PIAS1: variants seen among roughly 807,000 people sequenced by gnomAD.
The protein encoded by PIAS1 is E3 SUMO-protein ligase PIAS1.
A neutral mutation model predicts 71.3 loss-of-function variants in PIAS1; 6 were observed. That is an observed-to-expected ratio of 0.08 (90% CI 0.05 to 0.17). PIAS1 has a LOEUF of 0.17. Among genes scored for constraint, PIAS1 ranks in the 10% least tolerant of loss-of-function variants. PIAS1 has a pLI of 1.00. For missense variants in PIAS1, 555 were observed against 793.6 expected (o/e 0.70, Z 3.61); for synonymous variants, 303 against 292.9 (o/e 1.03, Z -0.35).
intron 1 of PIAS1, chr15:68,057,438 A>C (rs1249291623): frequency 4.8e-6 from 2 of 412,564 alleles, no homozygotes; most frequent in African/African-American, 4.3e-5. Context: ...GTTTTTTTGG[A>C]GTAAAACTCA....
chr15:68,063,022 A>G (rs1326464627), intron 1 of PIAS1, among the ~76,000 whole-genome samples: 1 of 123,974 alleles, frequency 8.1e-6, no homozygotes, highest in East Asian at 2.0e-4. Context: ...GCTATACACT[A>G]CTGGTTTTTT....
At chr15:68,087,407 C>T (rs78052197) in intron 2 of PIAS1, among the ~76,000 whole-genome samples, 3,174 of 152,068 alleles carry the variant, frequency 0.021, 111 homozygotes, top group African/African-American at 0.072. Context: ...ATAATGCTAC[C>T]TTATTTATTT....
chr15:68,142,571 A>G (rs1209674487), intron 4 of PIAS1, among the ~76,000 whole-genome samples: 3 of 152,098 alleles, frequency 2.0e-5, no homozygotes, highest in Non-Finnish European at 2.9e-5. Flanking sequence ...GTGAGGGAAA[A>G]CATTCTCCTG....
Position 68,112,467 on chromosome 15 carries a change from C to G in PIAS1, c.469+25717C>G, listed in dbSNP as rs544308418. Among the ~76,000 whole-genome samples the G allele has an allele frequency of 4.6e-5, 7 of 152,118 alleles. No homozygotes were observed. The South Asian group carries it at 1.5e-3, about 32-fold the overall frequency. ...CAGGTAGGTTTTTGACTAGCTCATG[C>G]CAAAGAAACTGTTGTTATCTAGGTC... On this transcript the variant is annotated intron_variant, in intron 2 of 13. Transcript: ENST00000249636.
chr15:68,061,036 A>G (rs2091953238), intron 1 of PIAS1, among the ~76,000 whole-genome samples: 1 of 152,242 alleles, frequency 6.6e-6, no homozygotes, highest in South Asian at 2.1e-4. Context: ...TTATTTTTAG[A>G]AAAAACCTTT....
chr15:68,173,140 C>T lies in PIAS1; in HGVS notation c.1009-592C>T, dbSNP rs891064623. 6.6e-6 allele frequency among the ~76,000 whole-genome samples: 1 copy of T among 152,154 alleles called. No homozygotes were observed. The highest frequency in any genetic ancestry group is 1.5e-5 in the Non-Finnish European group (1 of 68,010). On this transcript the variant is annotated intron_variant, in intron 8 of 13. Coordinates refer to ENST00000249636, the MANE Select transcript of PIAS1 (RefSeq NM_016166.3). The surrounding 1 kb of genome is among the most constrained non-coding windows in gnomAD (Gnocchi z 4.3). ...TATTTAATAGGGCATTCTTTATTTT[C>T]CCTAATCCCTAGTAAGGTGGTTCTT...
Position 68,171,156 on chromosome 15 carries a change from C to G in PIAS1, c.1009-2576C>G, listed in dbSNP as rs1306750288. Among the ~76,000 whole-genome samples the G allele has an allele frequency of 6.6e-6, 1 of 151,978 alleles. No homozygotes were observed. The highest frequency in any genetic ancestry group is 1.5e-5 in the Non-Finnish European group (1 of 68,016). On this transcript the variant is annotated intron_variant, in intron 8 of 13. Coordinates refer to ENST00000249636, the MANE Select transcript of PIAS1 (RefSeq NM_016166.3). This position sits in a 1 kb window ranked among gnomAD's most constrained non-coding sequence, Gnocchi z 4.4. ...TTTGTTAAAAACAAAGACACAAACACACATTAGCCTAGGCCTGCACAGGGT... is the reference window on the plus strand; with the variant it reads ...TTTGTTAAAAACAAAGACACAAACAGACATTAGCCTAGGCCTGCACAGGGT...
intron 5 of PIAS1, among the ~76,000 whole-genome samples, chr15:68,146,315 A>G (rs907138226): frequency 6.6e-6 from 1 of 152,180 alleles, no homozygotes; most frequent in South Asian, 2.1e-4. Flanking sequence ...TTATGAATTC[A>G]TCCTGATTTT....
chr15:68,106,651 C>T (rs2092472725), intron 2 of PIAS1, among the ~76,000 whole-genome samples: 1 of 151,970 alleles, frequency 6.6e-6, no homozygotes. Flanking sequence ...CCATTTTCCT[C>T]AGGTCTGTAG....
chr15:68,091,098 G>T (rs2092329225), intron 2 of PIAS1, among the ~76,000 whole-genome samples: 2 of 151,792 alleles, frequency 1.3e-5, no homozygotes, highest in South Asian at 4.2e-4. Context: ...TGTGTTAAGG[G>T]GTACTTTGTT....
chr15:68,106,600 G>A (rs937742109), intron 2 of PIAS1, among the ~76,000 whole-genome samples: 1 of 150,428 alleles, frequency 6.6e-6, no homozygotes, highest in Non-Finnish European at 1.5e-5. Flanking sequence ...CCCCACCTTT[G>A]TCTGCCCCCT....
At chr15:68,096,854 C>T (rs906678134) in intron 2 of PIAS1, among the ~76,000 whole-genome samples, 9 of 152,146 alleles carry the variant, frequency 5.9e-5, no homozygotes, top group Non-Finnish European at 1.2e-4. Context: ...GTCATGTCAT[C>T]TGTGAACAGA....
At chr15:68,110,252 T>G (rs28571593) in intron 2 of PIAS1, among the ~76,000 whole-genome samples, 62 of 151,954 alleles carry the variant, frequency 4.1e-4, no homozygotes, top group African/African-American at 1.4e-3. Context: ...GAAGAAAAAA[T>G]TTTTTACAGG....
At chr15:68,118,308 G>C (rs1172590049) in intron 2 of PIAS1, among the ~76,000 whole-genome samples, 1 of 142,878 alleles carries the variant, frequency 7.0e-6, no homozygotes, top group Non-Finnish European at 1.5e-5. Flanking sequence ...ATGACAGAAC[G>C]AGTGTCTGTC....
At chr15:68,111,314 G>A (rs2092521470) in intron 2 of PIAS1, among the ~76,000 whole-genome samples, 1 of 152,082 alleles carries the variant, frequency 6.6e-6, no homozygotes, top group African/African-American at 2.4e-5. Context: ...GGGTGTGTTA[G>A]GCATCATGAC....
intron 7 of PIAS1, among the ~76,000 whole-genome samples, chr15:68,161,598 A>C (rs184800941): frequency 1.3e-5 from 2 of 152,204 alleles, no homozygotes; most frequent in Admixed American, 1.3e-4. Flanking sequence ...TTTAAGTAAC[A>C]ATAGCTAATA....
At chr15:68,116,695 T>C (rs1038557828) in intron 2 of PIAS1, among the ~76,000 whole-genome samples, 9 of 152,268 alleles carry the variant, frequency 5.9e-5, no homozygotes, top group African/African-American at 1.9e-4. Flanking sequence ...ACCTTTTTTT[T>C]CTAATATAGG....
At position 68,173,737 on chromosome 15, in the gene PIAS1, TA is replaced by T; in HGVS notation, c.1018del (p.Met340CysfsTer3). On this transcript the variant is annotated frameshift_variant, in exon 9 of 14. Transcript: ENST00000249636. LOFTEE classifies it high-confidence loss of function. The surrounding 1 kb of genome is among the most constrained non-coding windows in gnomAD (Gnocchi z 4.3). ...LRVSLLCPLG[K>X]MRLTIPCRAL... ...CTTTTTCTCCCTTTTTAAAGCTTGGTAAAATGCGGCTGACAATTCCGTGTCG... is the reference window on the plus strand; with the variant it reads ...CTTTTTCTCCCTTTTTAAAGCTTGGTAAATGCGGCTGACAATTCCGTGTCG... The T allele has an allele frequency of 1.3e-6, 2 of 1,535,498 alleles. No individual in the cohort carries two copies. Among genetic ancestry groups the T allele is most frequent in the East Asian group, 2.3e-5 (1 of 43,568 alleles).
At chr15:68,184,002 CTTTT>C (rs550803946) in intron 13 of PIAS1, 2,142 of 152,992 alleles carry the variant, frequency 0.014, 60 homozygotes, top group African/African-American at 0.051. Flanking sequence ...TGTACCTCTA[CTTTT>C]TTTTTTTTTA....
Sources: allele counts gnomAD v4.1 joint callset (sites outside exome capture counted in the v4.1 genomes callset), GRCh38; gene constraint gnomAD v4.1.1; non-coding constraint Gnocchi (gnomAD v3.1); transcripts MANE v1.5; gene names NCBI Gene and HGNC (gene_info 2026-07-23, HGNC 2026-07-21).